Variants in NFIB observed in about 807,000 individuals in gnomAD.
NFIB encodes nuclear factor I B.
A neutral mutation model predicts 61.5 loss-of-function variants in NFIB; 11 were observed. That is an observed-to-expected ratio of 0.18 (90% CI 0.11 to 0.30). The LOEUF is 0.30. NFIB is among the 10% of genes least tolerant of loss of function. The pLI is 1.00. For missense variants in NFIB, 471 were observed against 608.9 expected, an observed-to-expected ratio of 0.77 and a Z score of 2.38; for synonymous variants, 260 against 216.5, an observed-to-expected ratio of 1.20 and a Z score of -1.76.
At chr9:14,380,243 T>C (rs1175915074) in intron 1 of NFIB, among the ~76,000 whole-genome samples, 1 of 152,164 alleles carries the variant, frequency 6.6e-6, no homozygotes, top group Non-Finnish European at 1.5e-5. Flanking sequence ...TCTTCCACCA[T>C]GAGAAGCTCC....
intron 2 of NFIB, among the ~76,000 whole-genome samples, chr9:14,209,667 T>C (rs913493273): frequency 6.6e-6 from 1 of 152,220 alleles, no homozygotes; most frequent in South Asian, 2.1e-4. Flanking sequence ...ATCAGAACAG[T>C]GTGGGGAGAA....
At chr9:14,407,776 C>A in the NFIB span, among the ~76,000 whole-genome samples, 2 of 152,100 alleles carry the variant, frequency 1.3e-5, no homozygotes, top group African/African-American at 4.8e-5. Flanking sequence ...AACTTAAACT[C>A]CTGGGCTCAA....
chr9:14,419,601 T>C, the NFIB span, among the ~76,000 whole-genome samples: 2 of 152,244 alleles, frequency 1.3e-5, no homozygotes, highest in Non-Finnish European at 2.9e-5. Context: ...CCTTGCATGT[T>C]ACGTAGCTGG....
rs556026364 is a variant in NFIB, at chr9:14,254,245, G to C, written c.562+52744C>G. Among the ~76,000 whole-genome samples the C allele has an allele frequency of 4.6e-5, 7 of 152,058 alleles. No individual in the cohort carries two copies. In the East Asian group the frequency reaches 9.7e-4, roughly 21 times the overall value. On this transcript the variant is annotated intron_variant, in intron 2 of 10. Coordinates refer to ENST00000380953, the MANE Select transcript of NFIB (RefSeq NM_001190737.2). ...GAACCTGGGAGGTAGAGGTTGCAGC[G>C]AGCCATGATCACACCACTGCACTCC...
chr9:14,322,927 C>T (rs998429505), intron 1 of NFIB, among the ~76,000 whole-genome samples: 1 of 152,190 alleles, frequency 6.6e-6, no homozygotes, highest in East Asian at 1.9e-4. Flanking sequence ...CTGCGGCGCG[C>T]CGCGGGCAAG....
chr9:14,459,295 G>A, the NFIB span, among the ~76,000 whole-genome samples: 1 of 152,238 alleles, frequency 6.6e-6, no homozygotes, highest in Admixed American at 6.5e-5. Context: ...AAATGGTGCT[G>A]GGAAAACTGG....
chr9:14,289,461 T>C (rs1353326108), intron 2 of NFIB, among the ~76,000 whole-genome samples: 1 of 151,646 alleles, frequency 6.6e-6, no homozygotes, highest in Non-Finnish European at 1.5e-5. Context: ...TTTCACAAAC[T>C]AGGTTCAATA....
At chr9:14,202,689 T>C (rs1474977473) in intron 2 of NFIB, among the ~76,000 whole-genome samples, 1 of 152,210 alleles carries the variant, frequency 6.6e-6, no homozygotes, top group Admixed American at 6.5e-5. Context: ...GACCCATATG[T>C]GTAGTATTTT....
intron 2 of NFIB, among the ~76,000 whole-genome samples, chr9:14,248,417 T>C (rs1480027935): frequency 6.6e-6 from 1 of 151,368 alleles, no homozygotes; most frequent in Non-Finnish European, 1.5e-5. Context: ...ATTACAGGCA[T>C]ACACCACCAT....
At chr9:14,214,323 C>T (rs531764309) in intron 2 of NFIB, among the ~76,000 whole-genome samples, 1 of 152,348 alleles carries the variant, frequency 6.6e-6, no homozygotes, top group East Asian at 1.9e-4. Flanking sequence ...TCACATAGAG[C>T]CCCACTTACG....
chr9:14,097,875 C>CTT (rs71321962), intron 10 of NFIB, among the ~76,000 whole-genome samples: 51 of 110,866 alleles, frequency 4.6e-4, no homozygotes, highest in Middle Eastern at 5.3e-3. Flanking sequence ...TTTCTTTTTT[C>CTT]TTTTTTTTTT....
chr9:14,355,835 T>A (rs1053718888), intron 1 of NFIB, among the ~76,000 whole-genome samples: 1 of 152,140 alleles, frequency 6.6e-6, no homozygotes, highest in Non-Finnish European at 1.5e-5. Flanking sequence ...CGGGTGCCTG[T>A]AGTCCCAGCT....
At chr9:14,122,411 G>A (rs2039062140) in intron 7 of NFIB, among the ~76,000 whole-genome samples, 1 of 152,056 alleles carries the variant, frequency 6.6e-6, no homozygotes, top group Non-Finnish European at 1.5e-5. Context: ...AGGACCTCTA[G>A]GGGTAAGGCA....
At chr9:14,441,159 A>C in the NFIB span, among the ~76,000 whole-genome samples, 1 of 150,558 alleles carries the variant, frequency 6.6e-6, no homozygotes, top group South Asian at 2.1e-4. Flanking sequence ...AAAAGGAGAG[A>C]GAAAACAAAA....
intron 2 of NFIB, among the ~76,000 whole-genome samples, chr9:14,243,491 G>A (rs189992416): frequency 3.6e-3 from 547 of 152,104 alleles, no homozygotes; most frequent in Non-Finnish European, 5.8e-3. Flanking sequence ...GAGCAGGTTT[G>A]GGGGTGGAAT....
intron 7 of NFIB, among the ~76,000 whole-genome samples, chr9:14,123,963 C>T (rs975456705): frequency 1.1e-4 from 16 of 152,154 alleles, no homozygotes; most frequent in Admixed American, 8.5e-4. Flanking sequence ...GAACACATAT[C>T]TTCCAGGTAT....
intron 2 of NFIB, among the ~76,000 whole-genome samples, chr9:14,190,502 G>A (rs1051484123): frequency 2.0e-5 from 3 of 152,174 alleles, no homozygotes; most frequent in Admixed American, 2.0e-4. Flanking sequence ...TGTCCTAACA[G>A]TTCCTTGATA....
chr9:14,481,178 A>AGTGTGTGT, the NFIB span, among the ~76,000 whole-genome samples: 1 of 67,280 alleles, frequency 1.5e-5, no homozygotes, highest in Non-Finnish European at 2.9e-5. Context: ...TCAAAAACTG[A>AGTGTGTGT]GTGTGTGTGT....
chr9:14,418,812 C>G, the NFIB span, among the ~76,000 whole-genome samples: 9 of 152,116 alleles, frequency 5.9e-5, no homozygotes, highest in African/African-American at 2.2e-4. Context: ...TAGGCTTGCA[C>G]AATTATTTTT....
Sources: allele counts gnomAD v4.1 joint callset (sites outside exome capture counted in the v4.1 genomes callset), GRCh38; gene constraint gnomAD v4.1.1; transcripts MANE v1.5; gene names NCBI Gene and HGNC (gene_info 2026-07-23, HGNC 2026-07-21).